The following PSMB11 variants were observed in gnomAD, a reference collection of about 807,000 sequenced individuals.
The protein encoded by PSMB11 is proteasome subunit beta 11.
For missense variants in PSMB11, 411 were observed against 408.2 expected (o/e 1.01, Z -0.06); for synonymous variants, 163 against 167.7 (o/e 0.97, Z 0.22).
Position 23,043,623 on chromosome 14 carries a change from A to T in PSMB11, c.*495A>T, listed in dbSNP as rs2047026164. 2 of 170,336 alleles carry T rather than the reference A, an allele frequency of 1.2e-5. No homozygotes were observed. The highest frequency in any genetic ancestry group is 2.4e-5 in the African/African-American group (1 of 41,486). The allele number at this position is 170,336 out of a possible 1,614,324, so 10.6% of individuals were successfully genotyped here. A position where few individuals can be genotyped will look rare whatever the true frequency, so the allele number is the denominator to read the frequency against. ...AGGCGTAGTGATAGACACCCTTTGG[A>T]TGGTGATGGGCTTGTCTTATCTGCT... On this transcript the variant is annotated 3_prime_UTR_variant, in exon 1 of 1. Coordinates refer to ENST00000408907, the MANE Select transcript of PSMB11 (RefSeq NM_001099780.2).
chr14:23,042,984 G>A lies in PSMB11; in HGVS notation c.759G>A (p.Glu253=). The part of the protein sequence containing the change: ...VLYVELQKLL[E]PEPEEDASHA... ...ACGTGGAGTTACAGAAGCTCCTGGA[G>A]CCGGAGCCAGAGGAGGATGCCAGCC... Residue 253 remains glutamate, a synonymous_variant, in exon 1 of 1, where the codon GAG becomes GAA. Transcript: ENST00000408907. 2 of 1,614,110 alleles carry A rather than the reference G, an allele frequency of 1.2e-6. No individual in the cohort carries two copies. The highest frequency in any genetic ancestry group is 8.5e-7 in the Non-Finnish European group (1 of 1,179,994).
At position 23,042,808 on chromosome 14, in the gene PSMB11, G is replaced by A. The variant is rs372279769; in HGVS notation, c.583G>A (p.Asp195Asn). The change falls in exon 1 of 1, where the codon GAC (aspartate) becomes AAC (asparagine). Residue 195 changes from aspartate (D) to asparagine (N), a missense_variant. Asp to Asn is a conservative substitution (Grantham distance 23). Transcript: ENST00000408907. ...YGVLDRGYRY[D>N]MSTQEAYALA... ...CGTGCTAGACCGTGGCTATCGCTACGACATGAGCACCCAGGAAGCCTACGC... is the reference window on the plus strand; with the variant it reads ...CGTGCTAGACCGTGGCTATCGCTACAACATGAGCACCCAGGAAGCCTACGC... 1.2e-4 allele frequency: 191 copies of A among 1,612,964 alleles called. No individual in the cohort carries two copies. The highest frequency in any genetic ancestry group is 8.8e-4 in the Admixed American group (53 of 60,024).
chr14:23,042,568 CG>C lies in PSMB11; in HGVS notation c.346del (p.Glu116AsnfsTer2), dbSNP rs1566718963. 1 of 1,614,178 alleles carries C rather than the reference CG, an allele frequency of 6.2e-7. No homozygotes were observed. The highest frequency in any genetic ancestry group is 8.5e-7 in the Non-Finnish European group (1 of 1,180,022). On this transcript the variant is annotated frameshift_variant, in exon 1 of 1. Coordinates refer to ENST00000408907, the MANE Select transcript of PSMB11 (RefSeq NM_001099780.2). LOFTEE classifies it low-confidence loss of function (END_TRUNC). The stretch of plus-strand genomic sequence containing the variant: ...GGTATTACAGCGGGAGCTGCGGCTT[CG>C]GGAACTGAGGGAGGGTCAGCTGCCC... ...YRVLQRELRLRELREGQLPSV... is the reference protein window; with the variant it reads ...YRVLQRELRLXELREGQLPSV...
Position 23,043,184 on chromosome 14 carries a change from C to A in PSMB11, c.*56C>A. The A allele has an allele frequency of 7.5e-7, 1 of 1,324,698 alleles. No individual in the cohort carries two copies. 82.1% of individuals were successfully genotyped at this position (1,324,698 alleles called of 1,614,324 possible). ...CCTGGGGAGTGGGTGGGAGGATGGGCAGCAGGGGGAGGGTCCCGCTGGCAG... is the reference window on the plus strand; with the variant it reads ...CCTGGGGAGTGGGTGGGAGGATGGGAAGCAGGGGGAGGGTCCCGCTGGCAG... On this transcript the variant is annotated 3_prime_UTR_variant, in exon 1 of 1. Transcript: ENST00000408907.
chr14:23,042,307 G>A lies in PSMB11; in HGVS notation c.82G>A (p.Ala28Thr). Residue 28 changes from alanine (A) to threonine (T), a missense_variant, in exon 1 of 1, where the codon GCT (alanine) becomes ACT (threonine). Physicochemically the swap from Ala to Thr is moderately conservative, Grantham distance 58. Transcript: ENST00000408907. ...TCACCTGCCTCGGGCTGGCGGCTGG[G>A]CTGTGCCCCGGGGTTGTGACCCTCA... ...SPHLPRAGGW[A>T]VPRGCDPQTF... The A allele has an allele frequency of 1.2e-6, 2 of 1,613,554 alleles. No individual in the cohort carries two copies. The highest frequency in any genetic ancestry group is 2.2e-5 in the South Asian group (2 of 91,044).
chr14:23,043,503 T>C lies in PSMB11; in HGVS notation c.*375T>C, dbSNP rs1025268795. ...TTTCTCTTAGTTTCGGTCCTTTATG[T>C]GTCTCAGCTTCAGCGTCTTTGTCTT... On this transcript the variant is annotated 3_prime_UTR_variant, in exon 1 of 1. Transcript: ENST00000408907. 21 of 192,934 alleles carry C rather than the reference T, an allele frequency of 1.1e-4. No individual in the cohort carries two copies. Among genetic ancestry groups the C allele is most frequent in the African/African-American group, 5.0e-4 (21 of 42,372 alleles). 12.0% of individuals were successfully genotyped at this position (192,934 alleles called of 1,614,324 possible).
rs2047017112 is a variant in PSMB11, at chr14:23,042,335, C to T, written c.110C>T (p.Thr37Ile). 1 of 1,613,792 alleles carries T rather than the reference C, an allele frequency of 6.2e-7. No individual in the cohort carries two copies. The highest frequency in any genetic ancestry group is 8.5e-7 in the Non-Finnish European group (1 of 1,180,028). ...WAVPRGCDPQ[T>I]FLQIHGPRLA... ...GTGCCCCGGGGTTGTGACCCTCAAACCTTCCTGCAGATCCATGGCCCCAGA... is the reference window on the plus strand; with the variant it reads ...GTGCCCCGGGGTTGTGACCCTCAAATCTTCCTGCAGATCCATGGCCCCAGA... Residue 37 changes from threonine to isoleucine, a missense_variant, in exon 1 of 1, where the codon ACC becomes ATC. Transcript: ENST00000408907.
rs1386576470 is a variant in PSMB11, at chr14:23,043,439, T to C, written c.*311T>C. On this transcript the variant is annotated 3_prime_UTR_variant, in exon 1 of 1. Coordinates refer to ENST00000408907, the MANE Select transcript of PSMB11 (RefSeq NM_001099780.2). ...TGCTAGGTGCTAGACCCTCTTTTCT[T>C]GCCATCTTCTCTGCTTTTTTCCATC... is the stretch of plus-strand genomic sequence containing the variant. The C allele has an allele frequency of 7.1e-6, 2 of 281,416 alleles. No individual in the cohort carries two copies. Among genetic ancestry groups the C allele is most frequent in the Admixed American group, 5.1e-5 (1 of 19,596 alleles). 17.4% of individuals were successfully genotyped at this position (281,416 alleles called of 1,614,324 possible).
In PSMB11 at chr14:23,043,212, G is replaced by A; in HGVS notation, c.*84G>A. ...CAGGGGGAGGGTCCCGCTGGCAGCA[G>A]CCTCACAGCGTCTGGCTCTAGCCTG... is the stretch of plus-strand genomic sequence containing the variant. On this transcript the variant is annotated 3_prime_UTR_variant, in exon 1 of 1. Transcript: ENST00000408907. The A allele has an allele frequency of 1.0e-6, 1 of 954,734 alleles. No individual in the cohort carries two copies. The highest frequency in any genetic ancestry group is 1.6e-6 in the Non-Finnish European group (1 of 639,284). 59.1% of individuals were successfully genotyped at this position (954,734 alleles called of 1,614,324 possible).
chr14:23,043,117 G>A lies in PSMB11; in HGVS notation c.892G>A (p.Glu298Lys), dbSNP rs2047023520. Reference sequence around the variant, plus strand: ...AGACTCCAGGATGCCAGCAGGGACTGAGACGGTGTGAGAAGCAGGACTTGG... The same window carrying A: ...AGACTCCAGGATGCCAGCAGGGACTAAGACGGTGTGAGAAGCAGGACTTGG... The part of the protein sequence containing the change: ...PGDSRMPAGT[E>K]TV Residue 298 changes from glutamate (E) to lysine (K), a missense_variant, in exon 1 of 1, where the codon GAG (glutamate) becomes AAG (lysine). Glu to Lys is a moderately conservative substitution (Grantham distance 56). Coordinates refer to ENST00000408907, the MANE Select transcript of PSMB11 (RefSeq NM_001099780.2). 6.2e-7 allele frequency: 1 copy of A among 1,606,724 alleles called. No individual in the cohort carries two copies. Among genetic ancestry groups the A allele is most frequent in the Admixed American group, 1.7e-5 (1 of 59,406 alleles).
rs1454488929 is a variant in PSMB11, at chr14:23,042,327, C to T, written c.102C>T (p.Asp34=). 3.1e-5 allele frequency: 50 copies of T among 1,613,582 alleles called. No individual in the cohort carries two copies. The highest frequency in any genetic ancestry group is 4.2e-5 in the Non-Finnish European group (50 of 1,180,000). The change falls in exon 1 of 1, where the codon GAC becomes GAT. Residue 34 remains aspartate, a synonymous_variant. Transcript: ENST00000408907. ...GCTGGGCTGTGCCCCGGGGTTGTGA[C>T]CCTCAAACCTTCCTGCAGATCCATG... ...AGGWAVPRGC[D]PQTFLQIHGP...
In PSMB11 at chr14:23,042,902, T is replaced by A. The variant is rs1348490807; in HGVS notation, c.677T>A (p.Phe226Tyr). The A allele has an allele frequency of 1.2e-6, 2 of 1,614,094 alleles. No homozygotes were observed. Among genetic ancestry groups the A allele is most frequent in the Non-Finnish European group, 1.7e-6 (2 of 1,179,974 alleles). ...TATTCAGGGGGCTCTGTAGACCTTT[T>A]CCACGTGCGGGAGAGTGGATGGGAG... The part of the protein sequence containing the change: ...DAYSGGSVDL[F>Y]HVRESGWEHV... Residue 226 changes from phenylalanine to tyrosine, a missense_variant, in exon 1 of 1, where the codon TTC (phenylalanine) becomes TAC (tyrosine). Phe to Tyr is a conservative substitution (Grantham distance 22). Coordinates refer to ENST00000408907, the MANE Select transcript of PSMB11 (RefSeq NM_001099780.2).
Position 23,043,128 on chromosome 14 carries a change from A to G in PSMB11, c.903A>G (p.Ter301TrpextTer35). The change falls in exon 1 of 1, where the codon TGA becomes TGG. Residue 301 changes from the stop codon to tryptophan (W), a stop_lost. Coordinates refer to ENST00000408907, the MANE Select transcript of PSMB11 (RefSeq NM_001099780.2). ...SRMPAGTETV[*>W] Reference sequence around the variant, plus strand: ...TGCCAGCAGGGACTGAGACGGTGTGAGAAGCAGGACTTGGTTGGGGATGGT... The same window carrying G: ...TGCCAGCAGGGACTGAGACGGTGTGGGAAGCAGGACTTGGTTGGGGATGGT... The G allele has an allele frequency of 6.2e-7, 1 of 1,603,072 alleles. No homozygotes were observed. Among genetic ancestry groups the G allele is most frequent in the Non-Finnish European group, 8.5e-7 (1 of 1,172,922 alleles).
At position 23,042,354 on chromosome 14, in the gene PSMB11, C is replaced by T; in HGVS notation, c.129C>T (p.Gly43=). 2 of 1,613,694 alleles carry T rather than the reference C, an allele frequency of 1.2e-6. No homozygotes were observed. Among genetic ancestry groups the T allele is most frequent in the Non-Finnish European group, 8.5e-7 (1 of 1,180,016 alleles). The change falls in exon 1 of 1, where the codon GGC becomes GGT. Residue 43 remains glycine (G), a synonymous_variant. Coordinates refer to ENST00000408907, the MANE Select transcript of PSMB11 (RefSeq NM_001099780.2). The part of the protein sequence containing the change: ...CDPQTFLQIH[G]PRLAHGTTTL... ...CTCAAACCTTCCTGCAGATCCATGG[C>T]CCCAGACTGGCCCACGGCACCACCA...
At position 23,042,665 on chromosome 14, in the gene PSMB11, C is replaced by G; in HGVS notation, c.440C>G (p.Ala147Gly). ...TACCGGGGACTGGATCTCTGTGTGGCCACTGCCCTCTGCGGCTGGGACCGC... is the reference window on the plus strand; with the variant it reads ...TACCGGGGACTGGATCTCTGTGTGGGCACTGCCCTCTGCGGCTGGGACCGC... Reference protein sequence around the residue: ...SQYRGLDLCVATALCGWDRSG... With the variant: ...SQYRGLDLCVGTALCGWDRSG... Residue 147 changes from alanine (A) to glycine (G), a missense_variant, in exon 1 of 1, where the codon GCC becomes GGC. Ala to Gly is a moderately conservative substitution (Grantham distance 60, BLOSUM62 0). Transcript: ENST00000408907. The G allele has an allele frequency of 6.2e-7, 1 of 1,613,928 alleles. No individual in the cohort carries two copies. Among genetic ancestry groups the G allele is most frequent in the Non-Finnish European group, 8.5e-7 (1 of 1,180,036 alleles).
In PSMB11 at chr14:23,043,584, C is replaced by G. The variant is rs1003719609; in HGVS notation, c.*456C>G. 3 of 174,524 alleles carry G rather than the reference C, an allele frequency of 1.7e-5. No homozygotes were observed. The highest frequency in any genetic ancestry group is 7.2e-5 in the African/African-American group (3 of 41,586). The allele number at this position is 174,524 out of a possible 1,614,324, so 10.8% of individuals were successfully genotyped here. A position where few individuals can be genotyped will look rare whatever the true frequency, so the allele number is the denominator to read the frequency against. On this transcript the variant is annotated 3_prime_UTR_variant, in exon 1 of 1. Coordinates refer to ENST00000408907, the MANE Select transcript of PSMB11 (RefSeq NM_001099780.2). ...GATGGGGCACCCGGGAAGGGAGCAG[C>G]CCCTCTCAGAACGAGGCGTAGTGAT...
rs1300068026 is a variant in PSMB11 at position 23,043,541 on chromosome 14, A to T, written c.*413A>T. 5.9e-6 allele frequency: 1 copy of T among 168,072 alleles called. No homozygotes were observed. The highest frequency in any genetic ancestry group is 1.4e-5 in the Non-Finnish European group (1 of 73,850). The allele number at this position is 168,072 out of a possible 1,614,324, so 10.4% of individuals were successfully genotyped here. A position where few individuals can be genotyped will look rare whatever the true frequency, so the allele number is the denominator to read the frequency against. On this transcript the variant is annotated 3_prime_UTR_variant, in exon 1 of 1. Coordinates refer to ENST00000408907, the MANE Select transcript of PSMB11 (RefSeq NM_001099780.2). ...GCGTCTTTGTCTTTTTCTCCTGATC[A>T]CTTTGTCAGCATGGTAAGATGGGGC...
rs749476772 is a variant in PSMB11, at chr14:23,042,921, A to T, written c.696A>T (p.Gly232=). 6.2e-7 allele frequency: 1 copy of T among 1,613,984 alleles called. No homozygotes were observed. Among genetic ancestry groups the T allele is most frequent in the Non-Finnish European group, 8.5e-7 (1 of 1,179,962 alleles). ...ACCTTTTCCACGTGCGGGAGAGTGG[A>T]TGGGAGCATGTGTCACGCAGTGATG... The part of the protein sequence containing the change: ...SVDLFHVRES[G]WEHVSRSDAC... The change falls in exon 1 of 1, where the codon GGA becomes GGT. Residue 232 remains glycine, a synonymous_variant. Coordinates refer to ENST00000408907, the MANE Select transcript of PSMB11 (RefSeq NM_001099780.2).
chr14:23,042,453 G>A lies in PSMB11; in HGVS notation c.228G>A (p.Ala76=), dbSNP rs371015502. ...GTTCCTCCTGTGGCAGCTATGTGGC[G>A]TGTCCAGCCTCATGCAAGGTCATCC... The part of the protein sequence containing the change: ...DTRSSCGSYV[A]CPASCKVIPV... The change falls in exon 1 of 1, where the codon GCG becomes GCA. Residue 76 remains alanine, a synonymous_variant. Transcript: ENST00000408907. 137 of 1,614,018 alleles carry A rather than the reference G, an allele frequency of 8.5e-5. No individual in the cohort carries two copies. The highest frequency in any genetic ancestry group is 3.8e-4 in the East Asian group (17 of 44,890).
Sources: gnomAD v4.1 joint callset for allele counts on GRCh38, gnomAD v4.1.1 for gene constraint, MANE v1.5 for transcripts, NCBI Gene and HGNC (gene_info 2026-07-23, HGNC 2026-07-21) for gene names.